The following NRK variants were observed in gnomAD, a reference collection of about 807,000 sequenced individuals.
NRK encodes nik-related protein kinase.
In NRK, 67 loss-of-function variants were observed where a neutral mutation model predicts 125.2. The ratio of observed to expected loss-of-function variants is 0.54; its 90% confidence interval spans 0.44 to 0.66. NRK has a LOEUF of 0.66. Ranked by LOEUF, NRK falls within the 30% of genes least tolerant of loss-of-function variation. NRK has a pLI of 0.00. For synonymous variants in NRK, 458 were observed against 429.0 expected (o/e 1.07, Z -0.84); for missense variants, 1,224 against 1,192.9 (o/e 1.03, Z -0.38).
intron 25 of NRK, 122 bp from the exon 26 acceptor site, chrX:105,946,193 C>G: frequency 5.3e-6 from 4 of 747,869 alleles, no homozygotes; most frequent in Non-Finnish European, 7.7e-6. Flanking sequence ...ATACAATATG[C>G]CATTTTAAAA....
intron 2 of NRK, among the ~76,000 whole-genome samples, chrX:105,860,018 C>G (rs2039581561): frequency 8.9e-6 from 1 of 111,971 alleles, no homozygotes; most frequent in Non-Finnish European, 1.9e-5. Flanking sequence ...TGAAGTATCT[C>G]TGTTTGGCTT....
intron 18 of NRK, among the ~76,000 whole-genome samples, chrX:105,924,466 A>T (rs1382732544): frequency 8.9e-6 from 1 of 111,741 alleles, no homozygotes; most frequent in Non-Finnish European, 1.9e-5. Context: ...TGCCATCCAA[A>T]TGCATCTGAG....
chrX:105,933,266 C>A (rs1351082318), intron 19 of NRK, among the ~76,000 whole-genome samples: 1 of 110,959 alleles, frequency 9.0e-6, no homozygotes, highest in African/African-American at 3.3e-5. Flanking sequence ...TTCATAGCAA[C>A]CCTGGTTATA....
At chrX:105,937,010 A>T (rs2040674099) in intron 21 of NRK, among the ~76,000 whole-genome samples, 2 of 111,068 alleles carry the variant, frequency 1.8e-5, no homozygotes, top group Non-Finnish European at 3.8e-5. Context: ...ATGTTTAATG[A>T]TAATTTTCAA....
At chrX:105,875,323 G>A (rs944015950) in intron 2 of NRK, among the ~76,000 whole-genome samples, 1 of 111,139 alleles carries the variant, frequency 9.0e-6, no homozygotes, top group African/African-American at 3.3e-5. Context: ...CCAGAAACCT[G>A]CTTCTTTCAA....
intron 2 of NRK, among the ~76,000 whole-genome samples, chrX:105,837,666 G>A (rs1453108009): frequency 1.8e-5 from 2 of 111,144 alleles, no homozygotes; most frequent in Non-Finnish European, 3.8e-5. Context: ...CTTTTTAGGA[G>A]AGAAAGTACT....
At chrX:105,866,091 A>G (rs760798256) in intron 2 of NRK, among the ~76,000 whole-genome samples, 2 of 111,121 alleles carry the variant, frequency 1.8e-5, no homozygotes, top group South Asian at 7.5e-4. Context: ...TTCTCAAATA[A>G]GTGTTTTTTC....
chrX:105,948,562 G>T (rs2040848755), intron 26 of NRK: 2 of 436,911 alleles, frequency 4.6e-6, no homozygotes, highest in South Asian at 7.8e-5. Context: ...TTTCTAAACA[G>T]ATTTTATTAA....
intron 14 of NRK, among the ~76,000 whole-genome samples, chrX:105,915,230 A>G (rs2040350993): frequency 9.0e-6 from 1 of 110,828 alleles, no homozygotes; most frequent in Admixed American, 9.7e-5. Context: ...TTTTAATGAA[A>G]TGTATGTATG....
chrX:105,887,195 G>C (rs952803630), intron 4 of NRK, among the ~76,000 whole-genome samples: 1 of 112,074 alleles, frequency 8.9e-6, no homozygotes, highest in African/African-American at 3.2e-5. Context: ...ATCTGATAAG[G>C]CACTTGTATC....
chrX:105,900,549 G>T (rs956722031), intron 8 of NRK, 69 bp from the exon 9 acceptor site: 23 of 706,516 alleles, frequency 3.3e-5, no homozygotes, highest in Non-Finnish European at 5.0e-5. Flanking sequence ...GCTAAACATT[G>T]TTTTGAGATT....
Position 105,898,625 on chromosome X carries a change from A to G in NRK, c.622A>G (p.Arg208Gly). The change falls in exon 8 of 29, where the codon AGA becomes GGA. Residue 208 changes from arginine (R) to glycine (G), a missense_variant. By Grantham distance (125) the Arg-to-Gly change is moderately radical. Coordinates refer to ENST00000243300, the MANE Select transcript of NRK (RefSeq NM_198465.4). ...VSAQVSRTNG[R>G]RNSFIGTPYW... is the part of the protein sequence containing the mutation. Reference sequence around the variant, plus strand: ...TGCCCAGGTGAGCAGAACTAATGGAAGAAGGAATAGTTTCATTGGGACACC... The same window carrying G: ...TGCCCAGGTGAGCAGAACTAATGGAGGAAGGAATAGTTTCATTGGGACACC... The G allele has an allele frequency of 8.3e-7, 1 of 1,200,890 alleles. No homozygotes were observed. The highest frequency in any genetic ancestry group is 1.1e-6 in the Non-Finnish European group (1 of 887,985).
intron 2 of NRK, among the ~76,000 whole-genome samples, chrX:105,853,642 C>T: frequency 8.9e-6 from 1 of 112,178 alleles, no homozygotes; most frequent in Non-Finnish European, 1.9e-5. Flanking sequence ...CAGGAAAGGG[C>T]AAAATTTCCC....
chrX:105,834,450 C>T (rs453455), intron 2 of NRK, among the ~76,000 whole-genome samples: 37,910 of 105,096 alleles, frequency 0.36, 6,639 homozygotes, highest in African/African-American at 0.7. Flanking sequence ...GAGGTGTGTG[C>T]GTGTGTGTGT....
At chrX:105,871,205 T>C (rs1461066417) in intron 2 of NRK, among the ~76,000 whole-genome samples, 1 of 111,680 alleles carries the variant, frequency 9.0e-6, no homozygotes, top group Non-Finnish European at 1.9e-5. Context: ...TTTTGTGAGC[T>C]CATGCCCTCT....
In NRK at chrX:105,878,274, C is replaced by A. The variant is rs554489819; in HGVS notation, c.124-1925C>A. On this transcript the variant is annotated intron_variant, in intron 2 of 28. Coordinates refer to ENST00000243300, the MANE Select transcript of NRK (RefSeq NM_198465.4). ...GTAAATAAATTTGAAGGGTATCCAA[C>A]ATACTCAATAATTTTTATAAACTCG... is the stretch of plus-strand genomic sequence containing the variant. Among the ~76,000 whole-genome samples the A allele has an allele frequency of 1.9e-4, 21 of 110,774 alleles. No homozygotes were observed. The South Asian group carries it at 7.9e-3, about 41-fold the overall frequency.
At chrX:105,927,074 A>T (rs1290438813) in intron 19 of NRK, among the ~76,000 whole-genome samples, 1 of 110,877 alleles carries the variant, frequency 9.0e-6, no homozygotes, top group East Asian at 2.8e-4. Flanking sequence ...TTGGGATAGT[A>T]GGGTCATTTT....
chrX:105,906,426 C>A lies in NRK; in HGVS notation c.858C>A (p.Phe286Leu), dbSNP rs1181300850. The A allele has an allele frequency of 8.6e-7, 1 of 1,158,724 alleles. No homozygotes were observed. Among genetic ancestry groups the A allele is most frequent in the Non-Finnish European group, 1.2e-6 (1 of 862,820 alleles). The change falls in exon 11 of 29, where the codon TTC (phenylalanine) becomes TTA (leucine). Residue 286 changes from phenylalanine (F) to leucine (L), a missense_variant. Phe to Leu is a conservative substitution (Grantham distance 22). Coordinates refer to ENST00000243300, the MANE Select transcript of NRK (RefSeq NM_198465.4). ...TVKSSGWSRK[F>L]HNFMEKCTIK... Reference sequence around the variant, plus strand: ...ACTCATTTTTTAGGTCCCGTAAGTTCCACAATTTCATGGAAAAGTGTACGA... The same window carrying A: ...ACTCATTTTTTAGGTCCCGTAAGTTACACAATTTCATGGAAAAGTGTACGA...
At position 105,909,734 on chromosome X, in the gene NRK, G is replaced by T. The variant is rs777965913; in HGVS notation, c.2093G>T (p.Arg698Ile). 14 of 1,181,796 alleles carry T rather than the reference G, an allele frequency of 1.2e-5. No homozygotes were observed. The East Asian group carries it at 4.0e-4, about 34-fold the overall frequency. Residue 698 changes from arginine to isoleucine, a missense_variant, in exon 13 of 29, where the codon AGA (arginine) becomes ATA (isoleucine). Physicochemically the swap from Arg to Ile is moderately conservative, Grantham distance 97. Transcript: ENST00000243300. ...VSTLRQALAK[R>I]LSPKRFRAKS... is the part of the protein sequence containing the mutation. ...ACTCTGAGGCAAGCACTGGCAAAAA[G>T]ACTATCACCAAAGAGGTTCAGGGCA...
Sources: gnomAD v4.1 joint callset for allele counts (sites outside exome capture counted in the v4.1 genomes callset) on GRCh38, gnomAD v4.1.1 for gene constraint, MANE v1.5 for transcripts, NCBI Gene and HGNC (gene_info 2026-07-23, HGNC 2026-07-21) for gene names.